The following VEGFC variants were observed in gnomAD, a reference collection of about 807,000 sequenced individuals.
VEGFC encodes FLT4 ligand DHM.
In VEGFC, 12 loss-of-function variants were observed where a neutral mutation model predicts 46.1. That is an observed-to-expected ratio of 0.26 (90% CI 0.17 to 0.42). The LOEUF is 0.42. Ranked by LOEUF, VEGFC falls within the 10% of genes least tolerant of loss-of-function variation. The probability of loss-of-function intolerance (pLI) is 1.00; values close to 1 mark genes in which losing one functional copy is unlikely to be tolerated. For missense variants in VEGFC, 488 were observed against 529.4 expected, an observed-to-expected ratio of 0.92 and a Z score of 0.77; for synonymous variants, 232 against 195.5, an observed-to-expected ratio of 1.19 and a Z score of -1.56.
chr4:176,787,355 G>A (rs1334970855), intron 1 of VEGFC, among the ~76,000 whole-genome samples: 1 of 151,062 alleles, frequency 6.6e-6, no homozygotes, highest in Non-Finnish European at 1.5e-5. Context: ...TACTTGGGAG[G>A]CTGAGGCACG....
chr4:176,786,748 A>T (rs1245956490), intron 1 of VEGFC, among the ~76,000 whole-genome samples: 2 of 152,206 alleles, frequency 1.3e-5, no homozygotes, highest in African/African-American at 4.8e-5. Flanking sequence ...ACTGATTAAC[A>T]TGAGTTGAAG....
intron 1 of VEGFC, among the ~76,000 whole-genome samples, chr4:176,763,766 C>T (rs7688326): frequency 0.83 from 125,611 of 152,110 alleles, 53,434 homozygotes; most frequent in East Asian, 1. Context: ...GACATATTTA[C>T]TAAATTTACT....
intron 4 of VEGFC, among the ~76,000 whole-genome samples, chr4:176,688,929 T>A (rs1384167957): frequency 6.6e-6 from 1 of 152,206 alleles, no homozygotes; most frequent in African/African-American, 2.4e-5. Context: ...TTTAGTGCCA[T>A]CAGATCACAT....
intron 3 of VEGFC, among the ~76,000 whole-genome samples, chr4:176,712,929 G>T (rs556384891): frequency 6.6e-6 from 1 of 152,170 alleles, no homozygotes; most frequent in African/African-American, 2.4e-5. Context: ...GTTATACCCA[G>T]ACAGGTGGCT....
At chr4:176,706,654 A>AG (rs1734541818) in intron 4 of VEGFC, among the ~76,000 whole-genome samples, 1 of 139,028 alleles carries the variant, frequency 7.2e-6, no homozygotes, top group African/African-American at 2.6e-5. Context: ...AAAAAAAAAA[A>AG]GAGAAATCTA....
chr4:176,743,482 G>A (rs1345991431), intron 1 of VEGFC, among the ~76,000 whole-genome samples: 5 of 151,600 alleles, frequency 3.3e-5, no homozygotes, highest in Admixed American at 6.6e-5. Flanking sequence ...GCACAATTAT[G>A]TAGTCACCGG....
At chr4:176,788,225 C>T (rs1048781319) in intron 1 of VEGFC, among the ~76,000 whole-genome samples, 2 of 152,172 alleles carry the variant, frequency 1.3e-5, no homozygotes, top group Non-Finnish European at 2.9e-5. Context: ...TATAATATTA[C>T]CATGGATTAG....
chr4:176,708,868 T>C (rs1055365666), intron 4 of VEGFC, among the ~76,000 whole-genome samples: 1 of 152,214 alleles, frequency 6.6e-6, no homozygotes, highest in African/African-American at 2.4e-5. Flanking sequence ...CCAGACACTC[T>C]GCTAAGCATT....
intron 1 of VEGFC, among the ~76,000 whole-genome samples, chr4:176,786,147 C>T (rs1735999431): frequency 6.6e-6 from 1 of 152,146 alleles, no homozygotes; most frequent in Admixed American, 6.5e-5. Flanking sequence ...AGCTTCTGGT[C>T]AGCTTTCTTA....
chr4:176,792,285 C>T lies in VEGFC; in HGVS notation c.27G>A (p.Val9=). 6.5e-7 allele frequency: 1 copy of T among 1,540,068 alleles called. No homozygotes were observed. The highest frequency in any genetic ancestry group is 8.7e-7 in the Non-Finnish European group (1 of 1,145,490). The part of the protein sequence containing the change: MHLLGFFS[V]ACSLLAAALL... The stretch of plus-strand genomic sequence containing the variant: ...GCGCAGCGGCGAGCAGAGAACACGC[C>T]ACAGAGAAGAAGCCCAGCAAGTGCA... Residue 9 remains valine (V), a synonymous_variant, in exon 1 of 7, where the codon GTG becomes GTA. Transcript: ENST00000618562. The surrounding 1 kb of genome is among the most constrained non-coding windows in gnomAD (Gnocchi z 6.3).
chr4:176,784,756 C>CAAA lies in VEGFC; in HGVS notation c.147+7406_147+7408dup, dbSNP rs5864405. The stretch of plus-strand genomic sequence containing the variant: ...TGGGCTACAGAGCCAGAGTCTGTCT[C>CAAA]AAAAAAAAAAAAAAAAAAAAAAAGA... On this transcript the variant is annotated intron_variant, in intron 1 of 6. Coordinates refer to ENST00000618562, the MANE Select transcript of VEGFC (RefSeq NM_005429.5). 1.3e-3 allele frequency among the ~76,000 whole-genome samples: 31 copies of CAAA among 23,000 alleles called. 1 individual carries two copies. The highest frequency in any genetic ancestry group is 2.5e-3 in the African/African-American group (28 of 11,232). 15.1% of individuals were successfully genotyped at this position (23,000 alleles called of 152,430 possible).
intron 3 of VEGFC, 45 bp from the exon 4 acceptor site, chr4:176,711,695 T>C (rs368039767): frequency 6.3e-7 from 1 of 1,597,168 alleles, no homozygotes. Context: ...ATAGATGCTG[T>C]AAAGCACTTT....
At chr4:176,684,223 GA>G (rs1324682916) in intron 6 of VEGFC, among the ~76,000 whole-genome samples, 183 bp from the exon 7 acceptor site, 2 of 152,190 alleles carry the variant, frequency 1.3e-5, no homozygotes, top group Non-Finnish European at 2.9e-5. Flanking sequence ...AAGAGGAATG[GA>G]AAAGCCTTAA....
chr4:176,771,286 T>C (rs1428720650), intron 1 of VEGFC, among the ~76,000 whole-genome samples: 1 of 152,170 alleles, frequency 6.6e-6, no homozygotes, highest in African/African-American at 2.4e-5. Context: ...AATCAGATGA[T>C]GATCTATGGA....
intron 1 of VEGFC, among the ~76,000 whole-genome samples, chr4:176,770,418 G>GAAAAA (rs1735702075): frequency 1.2e-4 from 18 of 148,790 alleles, no homozygotes; most frequent in African/African-American, 4.4e-4. Context: ...CATTGTTTTT[G>GAAAAA]TGGAAACAGT....
chr4:176,689,685 G>C (rs755854091), intron 4 of VEGFC: 1 of 152,074 alleles, frequency 6.6e-6, no homozygotes, highest in Non-Finnish European at 1.5e-5. Flanking sequence ...AGTCTATTAT[G>C]GGTCTTTTAT....
intron 1 of VEGFC, among the ~76,000 whole-genome samples, chr4:176,789,521 T>C (rs534753459): frequency 1.8e-4 from 28 of 152,366 alleles, no homozygotes; most frequent in African/African-American, 6.7e-4. Context: ...GAGTAGATGT[T>C]GACAAACATA....
chr4:176,736,699 T>C (rs1243318353), intron 1 of VEGFC, among the ~76,000 whole-genome samples: 1 of 151,812 alleles, frequency 6.6e-6, no homozygotes, highest in Non-Finnish European at 1.5e-5. Context: ...AATGAAAATA[T>C]TTCTTGCAGT....
chr4:176,690,272 G>A (rs1360051352), intron 4 of VEGFC, among the ~76,000 whole-genome samples: 1 of 150,600 alleles, frequency 6.6e-6, no homozygotes, highest in Non-Finnish European at 1.5e-5. Context: ...AATTATCAGA[G>A]TTAAGACTAT....
Sources: gnomAD v4.1 joint callset for allele counts (sites outside exome capture counted in the v4.1 genomes callset) on GRCh38, gnomAD v4.1.1 for gene constraint, Gnocchi (gnomAD v3.1) non-coding constraint, MANE v1.5 for transcripts, NCBI Gene and HGNC (gene_info 2026-07-23, HGNC 2026-07-21) for gene names.